The following SNTG1 variants were observed in gnomAD, a reference collection of about 807,000 sequenced individuals.
SNTG1 encodes the protein syntrophin gamma 1.
A neutral mutation model predicts 74.7 loss-of-function variants in SNTG1; 39 were observed. The ratio of observed to expected loss-of-function variants is 0.52; its 90% CI spans 0.40 to 0.68. The LOEUF is 0.68. Ranked by LOEUF, SNTG1 falls within the 30% of genes least tolerant of loss-of-function variation. The pLI is 0.00. For missense variants in SNTG1, 685 were observed against 609.5 expected (o/e 1.12, Z -1.30); for synonymous variants, 254 against 217.1 (o/e 1.17, Z -1.49).
chr8:50,087,658 A>C (rs981784649), intron 1 of SNTG1, among the ~76,000 whole-genome samples: 5 of 152,132 alleles, frequency 3.3e-5, no homozygotes, highest in Non-Finnish European at 7.3e-5. Context: ...AACTTTCCTT[A>C]TTTCAAAGTA....
chr8:50,121,703 T>A (rs188519596), intron 1 of SNTG1, among the ~76,000 whole-genome samples: 1 of 141,430 alleles, frequency 7.1e-6, no homozygotes, highest in Non-Finnish European at 1.6e-5. Flanking sequence ...GAATTTTAAA[T>A]CATGAAAATA....
At chr8:50,173,656 C>T (rs2082887636) in intron 2 of SNTG1, among the ~76,000 whole-genome samples, 1 of 152,060 alleles carries the variant, frequency 6.6e-6, no homozygotes, top group Non-Finnish European at 1.5e-5. Context: ...TTCTGAGGCA[C>T]TGAGGATTAA....
intron 1 of SNTG1, among the ~76,000 whole-genome samples, chr8:49,950,707 A>G (rs1051397540): frequency 6.6e-6 from 1 of 152,210 alleles, no homozygotes; most frequent in Non-Finnish European, 1.5e-5. Flanking sequence ...ATTTTGCTTA[A>G]GAAAAAGGGT....
chr8:50,532,045 C>T (rs535960022), intron 10 of SNTG1, among the ~76,000 whole-genome samples: 34 of 152,214 alleles, frequency 2.2e-4, no homozygotes, highest in Admixed American at 1.8e-3. Flanking sequence ...CAAATAAATT[C>T]AGTTTTATAA....
intron 1 of SNTG1, among the ~76,000 whole-genome samples, chr8:49,975,057 T>A (rs1267776577): frequency 1.3e-5 from 2 of 152,152 alleles, no homozygotes; most frequent in Non-Finnish European, 2.9e-5. Flanking sequence ...AAAGCTGTCA[T>A]GTCCAAACTG....
chr8:50,659,219 T>A (rs2095203679), intron 15 of SNTG1, among the ~76,000 whole-genome samples: 1 of 152,176 alleles, frequency 6.6e-6, no homozygotes, highest in South Asian at 2.1e-4. Context: ...ATTATTACAA[T>A]ATCAAGCCAT....
intron 1 of SNTG1, among the ~76,000 whole-genome samples, chr8:49,984,645 A>T (rs563020147): frequency 6.6e-6 from 1 of 152,360 alleles, no homozygotes; most frequent in African/African-American, 2.4e-5. Flanking sequence ...TTATTTAAAA[A>T]ATAAATGTTG....
At chr8:50,457,416 G>A (rs746797288) in intron 8 of SNTG1, among the ~76,000 whole-genome samples, 4 of 152,092 alleles carry the variant, frequency 2.6e-5, no homozygotes, top group Admixed American at 6.6e-5. Flanking sequence ...GACTCTTTCC[G>A]AATTCTCTAT....
At chr8:50,426,149 T>C (rs1474010880) in intron 4 of SNTG1, among the ~76,000 whole-genome samples, 1 of 152,152 alleles carries the variant, frequency 6.6e-6, no homozygotes, top group African/African-American at 2.4e-5. Context: ...GTAACACAAG[T>C]CCATAGTGTA....
chr8:50,533,538 A>G (rs2094285803), intron 10 of SNTG1, among the ~76,000 whole-genome samples: 1 of 152,188 alleles, frequency 6.6e-6, no homozygotes, highest in South Asian at 2.1e-4. Context: ...TTGTGTTTTT[A>G]GACTATCTTT....
intron 13 of SNTG1, among the ~76,000 whole-genome samples, chr8:50,608,605 T>C (rs2094829525): frequency 6.6e-6 from 1 of 151,910 alleles, no homozygotes; most frequent in Non-Finnish European, 1.5e-5. Context: ...CAAATGCACA[T>C]TTGTTCCAGT....
Position 50,777,226 on chromosome 8 carries a change from T to TATATATATAATAATATAATATATATA in SNTG1, c.1396-15435_1396-15410dup, listed in dbSNP as rs1554632409. Among the ~76,000 whole-genome samples, 566 of 119,288 alleles carry TATATATATAATAATATAATATATATA rather than the reference T, an allele frequency of 4.7e-3. 1 individual carries two copies. Among genetic ancestry groups the TATATATATAATAATATAATATATATA allele is most frequent in the Non-Finnish European group, 6.7e-3 (446 of 66,688 alleles). The allele number at this position is 119,288 out of a possible 152,430, so 78.3% of individuals were successfully genotyped here. ...TCTGAAGACATGAATAGCATATATA[T>TATATATATAATAATATAATATATATA]ATATATATAATAATATAATATATAT... On this transcript the variant is annotated intron_variant, in intron 18 of 18. Transcript: ENST00000642720.
intron 2 of SNTG1, among the ~76,000 whole-genome samples, chr8:50,277,289 T>A (rs6996995): frequency 6.8e-6 from 1 of 146,766 alleles, no homozygotes; most frequent in Non-Finnish European, 1.5e-5. Flanking sequence ...AAAAAATGAG[T>A]TTGTCTTTCA....
chr8:50,106,238 T>G (rs755698532), intron 1 of SNTG1, among the ~76,000 whole-genome samples: 1 of 151,968 alleles, frequency 6.6e-6, no homozygotes, highest in South Asian at 2.1e-4. Flanking sequence ...CTTCTTCACA[T>G]AGAGGGAGGA....
intron 12 of SNTG1, among the ~76,000 whole-genome samples, chr8:50,560,583 C>T (rs2094481625): frequency 6.6e-6 from 1 of 152,156 alleles, no homozygotes; most frequent in Non-Finnish European, 1.5e-5. Context: ...ATGGATGGAG[C>T]TGGAAGCTGT....
rs2080956477 is a variant in SNTG1 at position 50,120,390 on chromosome 8, C to T, written c.-102-52171C>T. Among the ~76,000 whole-genome samples the T allele has an allele frequency of 2.9e-5, 4 of 140,064 alleles. 1 individual carries two copies. The South Asian group carries it at 1.1e-3, about 38-fold the overall frequency. 91.9% of individuals were successfully genotyped at this position (140,064 alleles called of 152,430 possible). ...CCAATATTACTACCATCACCACCAC[C>T]ACCACTACCATAACTACTACTATCC... On this transcript the variant is annotated intron_variant, in intron 1 of 18. Transcript: ENST00000642720.
chr8:50,679,409 C>T (rs760374602), intron 15 of SNTG1, among the ~76,000 whole-genome samples: 1 of 152,092 alleles, frequency 6.6e-6, no homozygotes, highest in Non-Finnish European at 1.5e-5. Context: ...TAAGTATCTT[C>T]AGAATCCTTA....
Position 49,971,010 on chromosome 8 carries a change from C to T in SNTG1, c.-103+58779C>T, listed in dbSNP as rs377004827. On this transcript the variant is annotated intron_variant, in intron 1 of 18. Transcript: ENST00000642720. ...TAGAAAAAGAGGGAATCCTCCCTAA[C>T]TCATTTTATGAGGCCAGCATCATCC... 3.3e-5 allele frequency among the ~76,000 whole-genome samples: 5 copies of T among 152,288 alleles called. No individual in the cohort carries two copies. In the East Asian group the frequency reaches 5.8e-4, roughly 18 times the overall value.
chr8:50,541,961 C>T (rs2094350430), intron 11 of SNTG1, among the ~76,000 whole-genome samples: 1 of 151,324 alleles, frequency 6.6e-6, no homozygotes, highest in Non-Finnish European at 1.5e-5. Context: ...AATATAATGA[C>T]CTCAAATTCC....
Sources: allele counts gnomAD v4.1 joint callset (sites outside exome capture counted in the v4.1 genomes callset), GRCh38; gene constraint gnomAD v4.1.1; transcripts MANE v1.5; gene names NCBI Gene and HGNC (gene_info 2026-07-23, HGNC 2026-07-21).